Variants in FREM1 observed in about 807,000 individuals in gnomAD.
The protein encoded by FREM1 is FRAS1-related extracellular matrix protein 1.
In FREM1, 220 loss-of-function variants were observed where a neutral mutation model predicts 210.1. That is an observed-to-expected ratio of 1.05 (90% CI 0.94 to 1.17). The LOEUF (loss-of-function observed/expected upper bound fraction) is 1.17. FREM1 is among the 50% of genes most tolerant of loss of function. The probability of loss-of-function intolerance (pLI) is 0.00; values close to 1 mark genes in which losing one functional copy is unlikely to be tolerated. For missense variants in FREM1, 3,454 were observed against 2,675.5 expected (o/e 1.29, Z -6.42); for synonymous variants, 1,189 against 980.2 (o/e 1.21, Z -3.98).
intron 10 of FREM1, among the ~76,000 whole-genome samples, chr9:14,839,712 T>C (rs1825296381): frequency 6.6e-6 from 1 of 152,176 alleles, no homozygotes; most frequent in Admixed American, 6.5e-5. Context: ...GAGCATGATT[T>C]ATAAAATATA....
intron 1 of FREM1, among the ~76,000 whole-genome samples, chr9:14,895,623 AC>A (rs1233793625): frequency 6.6e-6 from 1 of 151,976 alleles, no homozygotes; most frequent in Non-Finnish European, 1.5e-5. Context: ...ATTTTGCCTT[AC>A]TGTTGTGGAA....
intron 18 of FREM1, among the ~76,000 whole-genome samples, chr9:14,805,697 G>A (rs7038096): frequency 0.057 from 8,658 of 152,244 alleles, 574 homozygotes; most frequent in East Asian, 0.26. Flanking sequence ...CACCAGAAAA[G>A]CTGAGTAACA....
rs12342625 is a variant in FREM1 at position 14,822,968 on chromosome 9, T to C, written c.2337+192A>G. 0.067 allele frequency among the ~76,000 whole-genome samples: 10,256 copies of C among 152,250 alleles called. 391 individuals carry two copies. The highest frequency in any genetic ancestry group is 0.087 in the Admixed American group (1,337 of 15,286). ...TAGCTGAAAAATCTCACCTTTTACA[T>C]AGAAAGTCCCATGGGAGTAAAAGAC... is the stretch of plus-strand genomic sequence containing the variant. On this transcript the variant is annotated intron_variant, in intron 13 of 36. Transcript: ENST00000380880.
intron 1 of FREM1, among the ~76,000 whole-genome samples, chr9:14,883,895 G>C (rs572257947): frequency 6.6e-6 from 1 of 152,286 alleles, no homozygotes; most frequent in East Asian, 1.9e-4. Context: ...AAGTAGAAAG[G>C]GCACCTGGCC....
Position 14,752,593 on chromosome 9 carries a change from C to T in FREM1, c.5408-2317G>A, listed in dbSNP as rs572511068. ...TGTTATGTGAGAAAGTCTGGAGATCCAGGCAGATAGACAGATAGGCTAGAA... is the reference window on the plus strand; with the variant it reads ...TGTTATGTGAGAAAGTCTGGAGATCTAGGCAGATAGACAGATAGGCTAGAA... On this transcript the variant is annotated intron_variant, in intron 29 of 36. Coordinates refer to ENST00000380880, the MANE Select transcript of FREM1 (RefSeq NM_001379081.2). Among the ~76,000 whole-genome samples the T allele has an allele frequency of 8.9e-4, 136 of 151,964 alleles. No individual in the cohort carries two copies. The South Asian group carries it at 0.027, about 31-fold the overall frequency.
Position 14,770,659 on chromosome 9 carries a change from T to C in FREM1, c.5005A>G (p.Ile1669Val). ...SDPDTEDDQI[I>V]FKILQGPKHG... ...TTTGGGCCTTGTAGAATTTTAAAGA[T>C]GATCTGATCGTCCTCAGTGTCAGGG... Residue 1669 changes from isoleucine to valine, a missense_variant, in exon 26 of 37, where the codon ATC becomes GTC. Coordinates refer to ENST00000380880, the MANE Select transcript of FREM1 (RefSeq NM_001379081.2). 1 of 1,613,648 alleles carries C rather than the reference T, an allele frequency of 6.2e-7. No individual in the cohort carries two copies. The highest frequency in any genetic ancestry group is 8.5e-7 in the Non-Finnish European group (1 of 1,179,664).
rs148735553 is a variant in FREM1, at chr9:14,746,376, C to A, written c.6231G>T (p.Ala2077=). Residue 2077 remains alanine, a synonymous_variant, in exon 35 of 37, where the codon GCG becomes GCT. Coordinates refer to ENST00000380880, the MANE Select transcript of FREM1 (RefSeq NM_001379081.2). The stretch of plus-strand genomic sequence containing the variant: ...ACTGTTCCCTGCAAGCTTGGGCAGC[C>A]GCATTCCAGGTGCCTTTCTGCTCTG... ...LITEQKGTWN[A]AAQACREQYL... The A allele has an allele frequency of 5.1e-5, 82 of 1,613,594 alleles. No individual in the cohort carries two copies. The highest frequency in any genetic ancestry group is 8.3e-5 in the Admixed American group (5 of 59,998).
chr9:14,863,798 G>A lies in FREM1; in HGVS notation c.329+11C>T, dbSNP rs376439542. The A allele has an allele frequency of 1.5e-5, 23 of 1,566,408 alleles. No individual in the cohort carries two copies. The highest frequency in any genetic ancestry group is 2.2e-5 in the East Asian group (1 of 44,604). On this transcript the variant is annotated intron_variant, in intron 3 of 36. Transcript: ENST00000380880. ...TTGGCAGCAAATGAGCGATGTTCCC[G>A]TGCCGCTTACCTGTAAAGTCTGAGC...
intron 19 of FREM1, among the ~76,000 whole-genome samples, chr9:14,803,983 T>C (rs763131701): frequency 6.6e-6 from 1 of 152,192 alleles, no homozygotes; most frequent in East Asian, 1.9e-4. Context: ...TGGTTGTTTC[T>C]TGCAGATTGA....
At chr9:14,748,706 A>G (rs1249809261) in intron 30 of FREM1, 67 bp from the exon 31 acceptor site, 2 of 1,010,320 alleles carry the variant, frequency 2.0e-6, no homozygotes, top group Non-Finnish European at 3.0e-6. Flanking sequence ...TCACATTGAC[A>G]CAGCTCCTGG....
chr9:14,747,495 G>T, intron 32 of FREM1, 67 bp from the exon 33 acceptor site: 3 of 1,485,536 alleles, frequency 2.0e-6, no homozygotes, highest in South Asian at 1.3e-5. Context: ...ACAAAAAAAT[G>T]AGCAATTCAA....
In FREM1 at chr9:14,890,230, A is replaced by T. The variant is rs140632697; in HGVS notation, c.-268+19684T>A. On this transcript the variant is annotated intron_variant, in intron 1 of 36. Transcript: ENST00000380880. ...CCATGTTCTGAACCCCATGATGACC[A>T]AGGCTGCAAAGACAGACATACCTTT... is the stretch of plus-strand genomic sequence containing the variant. Among the ~76,000 whole-genome samples the T allele has an allele frequency of 2.4e-4, 37 of 152,364 alleles. No individual in the cohort carries two copies. The East Asian group carries it at 6.9e-3, about 29-fold the overall frequency.
chr9:14,862,678 C>T (rs7033932), intron 3 of FREM1, among the ~76,000 whole-genome samples: 72,439 of 151,988 alleles, frequency 0.48, 18,020 homozygotes, highest in East Asian at 0.71. Context: ...CTAATCTACT[C>T]TCCGTCTCTG....
chr9:14,848,575 A>G, intron 7 of FREM1, 90 bp downstream of exon 7: 1 of 628,430 alleles, frequency 1.6e-6, no homozygotes, highest in South Asian at 3.2e-5. Context: ...TGTATGACAT[A>G]GGAATAAAAC....
At chr9:14,886,035 A>G (rs1835744424) in intron 1 of FREM1, among the ~76,000 whole-genome samples, 2 of 152,012 alleles carry the variant, frequency 1.3e-5, no homozygotes, top group South Asian at 4.1e-4. Context: ...TCTACTCTCT[A>G]CTTCTATGAG....
intron 23 of FREM1, among the ~76,000 whole-genome samples, chr9:14,786,902 C>T (rs566232122): frequency 2.7e-4 from 41 of 152,194 alleles, no homozygotes; most frequent in Non-Finnish European, 3.7e-4. Flanking sequence ...AAAGCACCCA[C>T]GAGAGGTTTC....
At chr9:14,870,483 GTCTTTGTTT>G (rs1297284084) in intron 1 of FREM1, among the ~76,000 whole-genome samples, 5 of 151,600 alleles carry the variant, frequency 3.3e-5, no homozygotes, top group African/African-American at 1.2e-4. Flanking sequence ...TGTTGCTGTT[GTCTTTGTTT>G]TTTTTCTTAA....
Position 14,746,795 on chromosome 9 carries a change from T to A in FREM1, c.6138+128A>T, listed in dbSNP as rs529055766. On this transcript the variant is annotated intron_variant, in intron 34 of 36. Transcript: ENST00000380880. ...TTTGGGCCATTTTTTCCTCTTGGCC[T>A]TCAAGTTGTTAACAATGGCAGGAAG... is the stretch of plus-strand genomic sequence containing the variant. 5.1e-5 allele frequency: 61 copies of A among 1,188,900 alleles called. No individual in the cohort carries two copies. In the African/African-American group the frequency reaches 9.0e-4, roughly 17 times the overall value. The allele number at this position is 1,188,900 out of a possible 1,614,324, so 73.6% of individuals were successfully genotyped here.
At position 14,861,112 on chromosome 9, in the gene FREM1, TATATATACATATATACAC is replaced by T. The variant is rs1384033590; in HGVS notation, c.330-1646_330-1629del. Among the ~76,000 whole-genome samples, 39 of 99,880 alleles carry T rather than the reference TATATATACATATATACAC, an allele frequency of 3.9e-4. 6 individuals are homozygous for T. Among genetic ancestry groups the T allele is most frequent in the Admixed American group, 1.1e-3 (10 of 9,384 alleles). 65.5% of individuals were successfully genotyped at this position (99,880 alleles called of 152,430 possible). A position where few individuals can be genotyped will look rare whatever the true frequency, so the allele number is the denominator to read the frequency against. On this transcript the variant is annotated intron_variant, in intron 3 of 36. Coordinates refer to ENST00000380880, the MANE Select transcript of FREM1 (RefSeq NM_001379081.2). ...ACATATATATAAACATATATACACA[TATATATACATATATACAC>T]ATATATACATATATACACATATATA...
Sources: gnomAD v4.1 joint callset for allele counts (sites outside exome capture counted in the v4.1 genomes callset) on GRCh38, gnomAD v4.1.1 for gene constraint, MANE v1.5 for transcripts, NCBI Gene and HGNC (gene_info 2026-07-23, HGNC 2026-07-21) for gene names.